Variants in ALMS1 observed in about 807,000 individuals in gnomAD.
ALMS1 encodes ALMS1 centrosome and basal body associated protein.
A neutral mutation model predicts 352.2 loss-of-function variants in ALMS1; 271 were observed. The observed-to-expected ratio is 0.77, with a 90% confidence interval of 0.70 to 0.85. ALMS1 has a LOEUF of 0.85. Ranked by LOEUF, ALMS1 falls within the 40% of genes least tolerant of loss-of-function variation. The probability of loss-of-function intolerance (pLI) is 0.00; values close to 1 mark genes in which losing one functional copy is unlikely to be tolerated. For synonymous variants in ALMS1, 1,865 were observed against 1,761.2 expected (o/e 1.06, Z -1.48); for missense variants, 5,445 against 4,870.7 (o/e 1.12, Z -3.51).
chr2:73,393,434 G>A (rs1475214526), intron 1 of ALMS1, among the ~76,000 whole-genome samples: 3 of 151,830 alleles, frequency 2.0e-5, no homozygotes, highest in African/African-American at 7.3e-5. Context: ...AATTTATAGA[G>A]TTCAAGTATA....
chr2:73,398,011 A>G (rs1453036153), intron 1 of ALMS1, among the ~76,000 whole-genome samples: 1 of 152,216 alleles, frequency 6.6e-6, no homozygotes, highest in African/African-American at 2.4e-5. Context: ...TCTTTCATAG[A>G]TTATATGCCT....
intron 9 of ALMS1, among the ~76,000 whole-genome samples, chr2:73,483,043 T>G (rs1198464168): frequency 2.6e-5 from 4 of 152,130 alleles, no homozygotes; most frequent in African/African-American, 4.8e-5. Context: ...TCATTAATTT[T>G]TTGAAGGGTT....
intron 10 of ALMS1, among the ~76,000 whole-genome samples, chr2:73,499,111 T>C (rs1216699677): frequency 1.3e-5 from 2 of 152,230 alleles, no homozygotes; most frequent in Non-Finnish European, 2.9e-5. Context: ...GCATTTGTTA[T>C]TGCCTGTCTT....
intron 22 of ALMS1, among the ~76,000 whole-genome samples, chr2:73,609,116 C>T (rs1573062156): frequency 1.3e-5 from 2 of 152,354 alleles, no homozygotes; most frequent in Middle Eastern, 6.8e-3. Flanking sequence ...AGAAACCAGA[C>T]CGGCTCCTAT....
intron 11 of ALMS1, among the ~76,000 whole-genome samples, chr2:73,531,153 A>G (rs749262380): frequency 1.2e-4 from 18 of 152,356 alleles, no homozygotes; most frequent in Middle Eastern, 3.4e-3. Flanking sequence ...TTTCTACTGC[A>G]TAGTCAGGCT....
At chr2:73,560,429 T>C (rs1674632916) in intron 15 of ALMS1, among the ~76,000 whole-genome samples, 1 of 152,140 alleles carries the variant, frequency 6.6e-6, no homozygotes, top group Non-Finnish European at 1.5e-5. Flanking sequence ...TTGAAACCCT[T>C]GTTCACCATT....
chr2:73,589,729 A>G (rs1246576190), intron 16 of ALMS1, among the ~76,000 whole-genome samples: 1 of 152,156 alleles, frequency 6.6e-6, no homozygotes, highest in Non-Finnish European at 1.5e-5. Context: ...GAGTGCATCT[A>G]CCCACTTACG....
chr2:73,435,808 T>C (rs1298752712), intron 7 of ALMS1, among the ~76,000 whole-genome samples: 10 of 152,118 alleles, frequency 6.6e-5, no homozygotes, highest in Non-Finnish European at 1.5e-4. Context: ...ATGTTATTAG[T>C]CTTGAACTCC....
At chr2:73,535,419 T>G (rs1245161139) in intron 12 of ALMS1, among the ~76,000 whole-genome samples, 1 of 152,242 alleles carries the variant, frequency 6.6e-6, no homozygotes. Context: ...AATGATGACT[T>G]ACTAATGACA....
intron 16 of ALMS1, among the ~76,000 whole-genome samples, chr2:73,582,733 T>G (rs1285494718): frequency 6.6e-6 from 1 of 152,246 alleles, no homozygotes; most frequent in East Asian, 1.9e-4. Flanking sequence ...CTGTATGATA[T>G]TCTACTGTTT....
rs767710726 is a variant in ALMS1, at chr2:73,453,179, T to C, written c.6652T>C (p.Ser2218Pro). 6.2e-7 allele frequency: 1 copy of C among 1,614,042 alleles called. No homozygotes were observed. Among genetic ancestry groups the C allele is most frequent in the Non-Finnish European group, 8.5e-7 (1 of 1,179,974 alleles). The change falls in exon 8 of 23, where the codon TCA becomes CCA. Residue 2218 changes from serine to proline, a missense_variant. Transcript: ENST00000613296. ...NLNSSDSSVS[S>P]NNVLLNSQAD... ...GAATTCTTCTGACTCCAGTGTTAGC[T>C]CAAATAATGTGCTTTTAAATTCTCA...
intron 6 of ALMS1, among the ~76,000 whole-genome samples, chr2:73,428,613 A>T (rs1222989239): frequency 2.6e-5 from 4 of 152,230 alleles, no homozygotes; most frequent in African/African-American, 7.2e-5. Flanking sequence ...ATGTGCAGAG[A>T]CTAGCTTTGA....
In ALMS1 at chr2:73,572,736, G is replaced by T; in HGVS notation, c.10859G>T (p.Arg3620Met). The change falls in exon 16 of 23, where the codon AGG becomes ATG. Residue 3620 changes from arginine (R) to methionine (M), a missense_variant. Physicochemically the swap from Arg to Met is moderately conservative, Grantham distance 91. Coordinates refer to ENST00000613296, the MANE Select transcript of ALMS1 (RefSeq NM_001378454.1). Reference protein sequence around the residue: ...RQQRQPELGDRKELSLVDRLD... With the variant: ...RQQRQPELGDMKELSLVDRLD... Reference sequence around the variant, plus strand: ...CAGAGACAGCCTGAGTTGGGTGACAGGAAAGAACTGTCCTTGGTGGACCGA... The same window carrying T: ...CAGAGACAGCCTGAGTTGGGTGACATGAAAGAACTGTCCTTGGTGGACCGA... The T allele has an allele frequency of 1.2e-6, 2 of 1,614,104 alleles. No individual in the cohort carries two copies. The highest frequency in any genetic ancestry group is 1.7e-6 in the Non-Finnish European group (2 of 1,179,994).
chr2:73,421,267 A>G (rs1671278646), intron 3 of ALMS1, among the ~76,000 whole-genome samples: 1 of 152,176 alleles, frequency 6.6e-6, no homozygotes, highest in African/African-American at 2.4e-5. Context: ...TCTGAAACCT[A>G]GTTAGGGTTA....
intron 11 of ALMS1, among the ~76,000 whole-genome samples, chr2:73,529,690 G>A (rs7566385): frequency 6.6e-6 from 1 of 151,948 alleles, no homozygotes; most frequent in Non-Finnish European, 1.5e-5. Flanking sequence ...AGGTACCACC[G>A]TGGAGGTTGT....
At chr2:73,475,699 G>A (rs1245451144) in intron 9 of ALMS1, among the ~76,000 whole-genome samples, 1 of 151,740 alleles carries the variant, frequency 6.6e-6, no homozygotes, top group Non-Finnish European at 1.5e-5. Context: ...CCTTTGATAC[G>A]CAAAAGTTTT....
intron 7 of ALMS1, among the ~76,000 whole-genome samples, chr2:73,439,272 T>G (rs935414553): frequency 6.6e-6 from 1 of 151,898 alleles, no homozygotes; most frequent in African/African-American, 2.4e-5. Flanking sequence ...CACACTAATA[T>G]GCCCAGCTAA....
intron 1 of ALMS1, among the ~76,000 whole-genome samples, chr2:73,393,372 G>C (rs576579258): frequency 4.6e-5 from 7 of 151,364 alleles, no homozygotes; most frequent in Non-Finnish European, 1.0e-4. Context: ...TTATTCTTTC[G>C]TATGTGACTA....
intron 16 of ALMS1, among the ~76,000 whole-genome samples, chr2:73,586,244 G>A (rs1287437253): frequency 6.6e-6 from 1 of 152,040 alleles, no homozygotes; most frequent in Non-Finnish European, 1.5e-5. Flanking sequence ...TATTTCTTTT[G>A]ATGTGCAGGG....
Sources: allele counts gnomAD v4.1 joint callset (sites outside exome capture counted in the v4.1 genomes callset), GRCh38; gene constraint gnomAD v4.1.1; transcripts MANE v1.5; gene names NCBI Gene and HGNC (gene_info 2026-07-23, HGNC 2026-07-21).